Variants in AGBL4 observed in about 807,000 individuals in gnomAD.
AGBL4 encodes the protein AGBL carboxypeptidase 4.
In AGBL4, 58 loss-of-function variants were observed where a neutral mutation model predicts 66.4. The ratio of observed to expected loss-of-function variants is 0.87; its 90% confidence interval spans 0.71 to 1.09. The LOEUF (loss-of-function observed/expected upper bound fraction) is 1.09, where lower values mean the gene tolerates loss of function less well. Ranked by LOEUF, AGBL4 falls within the 50% of genes least tolerant of loss-of-function variation. AGBL4 has a pLI of 0.00. For missense variants in AGBL4, 579 were observed against 631.0 expected (o/e 0.92, Z 0.88); for synonymous variants, 234 against 222.9 (o/e 1.05, Z -0.44).
intron 6 of AGBL4, among the ~76,000 whole-genome samples, chr1:48,765,038 T>C (rs1316349435): frequency 1.3e-5 from 2 of 152,214 alleles, no homozygotes; most frequent in Admixed American, 1.3e-4. Context: ...AATGCCCTTC[T>C]TTCTTATGTG....
At chr1:48,811,910 G>A (rs1646060264) in intron 6 of AGBL4, among the ~76,000 whole-genome samples, 1 of 152,142 alleles carries the variant, frequency 6.6e-6, no homozygotes, top group South Asian at 2.1e-4. Context: ...GCATCAAGAG[G>A]GTCTGAGATG....
In AGBL4 at chr1:49,709,336, C is replaced by T. The variant is rs114575638; in HGVS notation, c.158-11899G>A. Among the ~76,000 whole-genome samples, 342 of 152,268 alleles carry T rather than the reference C, an allele frequency of 2.2e-3. 3 individuals are homozygous for T. Among genetic ancestry groups the T allele is most frequent in the Non-Finnish European group, 3.9e-3 (263 of 68,008 alleles). On this transcript the variant is annotated intron_variant, in intron 2 of 13. Transcript: ENST00000371839. ...GTGGGCTCTGCCCAGTCTGAACTTC[C>T]CGGAGGCTGTGTTTATACTGTGAGG...
intron 1 of AGBL4, among the ~76,000 whole-genome samples, chr1:50,010,215 G>A (rs961007008): frequency 2.0e-5 from 3 of 151,830 alleles, no homozygotes; most frequent in African/African-American, 7.3e-5. Flanking sequence ...GCTGAGGCAG[G>A]AGAATCACTT....
At chr1:49,484,435 C>A (rs766671886) in intron 3 of AGBL4, among the ~76,000 whole-genome samples, 5 of 152,014 alleles carry the variant, frequency 3.3e-5, no homozygotes, top group South Asian at 4.2e-4. Flanking sequence ...AGAATGAGAT[C>A]TTTTCATTTG....
intron 3 of AGBL4, among the ~76,000 whole-genome samples, chr1:49,494,413 T>C (rs1037598533): frequency 3.3e-5 from 5 of 152,044 alleles, no homozygotes; most frequent in African/African-American, 1.2e-4. Context: ...CTCCCAATGC[T>C]ATCCCTCCCC....
intron 1 of AGBL4, among the ~76,000 whole-genome samples, chr1:49,918,902 A>G (rs1228753334): frequency 6.6e-6 from 1 of 152,218 alleles, no homozygotes; most frequent in East Asian, 1.9e-4. Flanking sequence ...AGTGGGCTTC[A>G]TCCCTGGGAT....
At chr1:50,001,024 AAATT>A (rs1437100065) in intron 1 of AGBL4, among the ~76,000 whole-genome samples, 1 of 151,878 alleles carries the variant, frequency 6.6e-6, no homozygotes, top group Non-Finnish European at 1.5e-5. Context: ...TAAAAATAAA[AAATT>A]ATTTAAAAAA....
intron 2 of AGBL4, among the ~76,000 whole-genome samples, chr1:49,761,135 T>TG (rs553913853): frequency 6.1e-4 from 93 of 152,076 alleles, no homozygotes; most frequent in African/African-American, 2.2e-3. Context: ...CATCCCGTTT[T>TG]TTTTTTTTTT....
At chr1:48,536,004 C>A (rs1413587512) in intron 12 of AGBL4, among the ~76,000 whole-genome samples, 1 of 152,008 alleles carries the variant, frequency 6.6e-6, no homozygotes, top group African/African-American at 2.4e-5. Flanking sequence ...ACCAGAGAAG[C>A]CAGACATGCA....
At chr1:49,501,536 C>T (rs1326130321) in intron 3 of AGBL4, among the ~76,000 whole-genome samples, 1 of 117,960 alleles carries the variant, frequency 8.5e-6, no homozygotes, top group East Asian at 1.9e-4. Context: ...GAGTCTTCTC[C>T]CTTTTTTTCT....
rs1219918048 is a variant in AGBL4, at chr1:49,873,779, A to G, written c.35-22261T>C. Among the ~76,000 whole-genome samples the G allele has an allele frequency of 2.0e-5, 3 of 152,204 alleles. 1 individual carries two copies. The highest frequency in any genetic ancestry group is 2.0e-4 in the Admixed American group (3 of 15,248). ...AGGCTGTTTCTGTGATTCCATGCTT[A>G]TTTCTTCCAGGCGTGCCCTTTACCT... On this transcript the variant is annotated intron_variant, in intron 1 of 13. Transcript: ENST00000371839.
intron 3 of AGBL4, among the ~76,000 whole-genome samples, chr1:49,361,323 C>CCAGACA (rs1184970574): frequency 1.3e-5 from 2 of 152,072 alleles, no homozygotes; most frequent in African/African-American, 4.8e-5. Flanking sequence ...TATCACAGAA[C>CCAGACA]CAGACACAGA....
At chr1:48,625,136 CCTTCCTTT>C (rs1477103689) in intron 9 of AGBL4, among the ~76,000 whole-genome samples, 1 of 95,200 alleles carries the variant, frequency 1.1e-5, no homozygotes, top group Non-Finnish European at 2.4e-5. Flanking sequence ...TTCCTTCCTT[CCTTCCTTT>C]CTCTTTCTCT....
chr1:49,318,656 T>C (rs1312266402), intron 3 of AGBL4, among the ~76,000 whole-genome samples: 1 of 151,926 alleles, frequency 6.6e-6, no homozygotes, highest in Non-Finnish European at 1.5e-5. Flanking sequence ...TAAGATAGTG[T>C]AAGGTAAGGT....
intron 3 of AGBL4, among the ~76,000 whole-genome samples, chr1:49,696,663 G>A (rs1646991229): frequency 6.6e-6 from 1 of 151,926 alleles, no homozygotes; most frequent in South Asian, 2.1e-4. Flanking sequence ...TATTATATAT[G>A]CAAATATTTC....
intron 3 of AGBL4, chr1:49,374,053 C>T (rs2148559635): frequency 6.6e-6 from 1 of 152,086 alleles, no homozygotes; most frequent in African/African-American, 2.4e-5. Context: ...TTGAGTACTA[C>T]CATGAATCAG....
intron 1 of AGBL4, among the ~76,000 whole-genome samples, chr1:50,015,087 A>G (rs775058381): frequency 1.3e-5 from 2 of 152,218 alleles, no homozygotes; most frequent in Non-Finnish European, 2.9e-5. Context: ...TGTGATGCAC[A>G]TGTTGTTTTC....
chr1:48,713,810 T>C (rs71647716), intron 6 of AGBL4, among the ~76,000 whole-genome samples: 1 of 152,296 alleles, frequency 6.6e-6, no homozygotes, highest in South Asian at 2.1e-4. Context: ...GGGATAATGT[T>C]TCCTGGAATC....
At chr1:48,622,298 C>T (rs1444633823) in intron 9 of AGBL4, among the ~76,000 whole-genome samples, 1 of 152,074 alleles carries the variant, frequency 6.6e-6, no homozygotes, top group Non-Finnish European at 1.5e-5. Context: ...TCCAGAAAGC[C>T]TTGCTTGACC....
Sources: allele counts gnomAD v4.1 joint callset (sites outside exome capture counted in the v4.1 genomes callset), GRCh38; gene constraint gnomAD v4.1.1; transcripts MANE v1.5; gene names NCBI Gene and HGNC (gene_info 2026-07-23, HGNC 2026-07-21).